Variants in LSM11 observed in about 807,000 individuals in gnomAD.
LSM11 encodes the protein U7 snRNA-associated Sm-like protein LSm11.
A neutral mutation model predicts 28.1 loss-of-function variants in LSM11; 14 were observed. The ratio of observed to expected loss-of-function variants is 0.50; its 90% CI spans 0.33 to 0.78. The LOEUF (loss-of-function observed/expected upper bound fraction) is 0.78, where lower values mean the gene tolerates loss of function less well. Among genes scored for constraint, LSM11 ranks in the 30% least tolerant of loss-of-function variants. The pLI, the probability that LSM11 is intolerant of heterozygous loss-of-function variation, is 0.02. For missense variants in LSM11, 495 were observed against 510.6 expected, an observed-to-expected ratio of 0.97 and a Z score of 0.30; for synonymous variants, 207 against 214.2, an observed-to-expected ratio of 0.97 and a Z score of 0.30.
At chr5:157,754,763 A>G in intron 3 of LSM11, 91 bp from the exon 4 acceptor site, 1 of 1,127,322 alleles carries the variant, frequency 8.9e-7, no homozygotes, top group Non-Finnish European at 1.2e-6. Context: ...TCCACAGAAC[A>G]TAATTAAAGA....
chr5:157,754,627 G>A (rs1371418082), intron 3 of LSM11, among the ~76,000 whole-genome samples: 1 of 149,592 alleles, frequency 6.7e-6, no homozygotes, highest in Admixed American at 6.7e-5. Flanking sequence ...GGGAGGTGGA[G>A]GTCGCAGTGA....
intron 1 of LSM11, among the ~76,000 whole-genome samples, chr5:157,748,668 T>A (rs1310174592): frequency 6.6e-6 from 1 of 152,178 alleles, no homozygotes; most frequent in African/African-American, 2.4e-5. Flanking sequence ...ACATTCCTAT[T>A]AAATATTTCT....
At chr5:157,751,965 T>G (rs533269588) in intron 2 of LSM11, among the ~76,000 whole-genome samples, 1 of 152,282 alleles carries the variant, frequency 6.6e-6, no homozygotes, top group South Asian at 2.1e-4. Flanking sequence ...ATTTTATCGG[T>G]TTAGTAATTT....
chr5:157,752,136 A>G (rs1361823172), intron 2 of LSM11, among the ~76,000 whole-genome samples: 3 of 151,802 alleles, frequency 2.0e-5, no homozygotes, highest in Non-Finnish European at 4.4e-5. Flanking sequence ...AGCAGACATC[A>G]GTAAACAAAG....
rs139540073 is a variant in LSM11, at chr5:157,755,024, C to G, written c.843C>G (p.Val281=). 428 of 1,614,196 alleles carry G rather than the reference C, an allele frequency of 2.7e-4. 2 individuals are homozygous for G. The African/African-American group carries it at 5.1e-3, about 19-fold the overall frequency. The part of the protein sequence containing the change: ...GRGSHKRSRS[V]PSSLQASARE... Reference sequence around the variant, plus strand: ...GCTCACACAAGCGTTCCCGCTCTGTCCCTTCTTCCCTGCAGGCCTCTGCAA... The same window carrying G: ...GCTCACACAAGCGTTCCCGCTCTGTGCCTTCTTCCCTGCAGGCCTCTGCAA... The change falls in exon 4 of 4, where the codon GTC becomes GTG. Residue 281 remains valine (V), a synonymous_variant. Coordinates refer to ENST00000286307, the MANE Select transcript of LSM11 (RefSeq NM_173491.4).
At chr5:157,752,162 C>CTT (rs3045954) in intron 2 of LSM11, among the ~76,000 whole-genome samples, 48,762 of 139,964 alleles carry the variant, frequency 0.35, 8,527 homozygotes, top group East Asian at 0.55. Context: ...TGCATGATGT[C>CTT]TTTTTTTTTT....
intron 1 of LSM11, chr5:157,747,734 GC>G (rs2113069581): frequency 6.5e-6 from 1 of 152,774 alleles, no homozygotes; most frequent in African/African-American, 2.4e-5. Context: ...AAGAAAATAG[GC>G]AAAATCAAGA....
intron 1 of LSM11, among the ~76,000 whole-genome samples, chr5:157,747,993 C>CTGTGTGTGTGTGTG (rs5872520): frequency 5.3e-4 from 79 of 148,736 alleles, no homozygotes; most frequent in African/African-American, 1.7e-3. Context: ...CACCACACTG[C>CTGTGTGTGTGTGTG]TGTGTGTGTG....
chr5:157,745,828 C>T (rs777810224), intron 1 of LSM11, among the ~76,000 whole-genome samples: 15 of 152,114 alleles, frequency 9.9e-5, no homozygotes, highest in South Asian at 2.1e-4. Context: ...AAGGCATTGA[C>T]GTCGCACAGA....
chr5:157,753,165 G>A (rs181676266), intron 2 of LSM11, among the ~76,000 whole-genome samples: 18 of 152,192 alleles, frequency 1.2e-4, no homozygotes, highest in East Asian at 7.7e-4. Flanking sequence ...CTTTTTCCTC[G>A]GCCTAACTCC....
chr5:157,747,443 T>G, intron 1 of LSM11: 1 of 209,944 alleles, frequency 4.8e-6, no homozygotes, highest in Non-Finnish European at 1.0e-5. Context: ...TAGACCATTG[T>G]CTAGGTGAAT....
Position 157,743,721 on chromosome 5 carries a change from C to T in LSM11, c.-30C>T. On this transcript the variant is annotated 5_prime_UTR_variant, in exon 1 of 4. Transcript: ENST00000286307. ...CTCTGGCGGCTTCGTTCCTTCTTCC[C>T]ATCGGCCTCGGCTTGCGGGCCTTTC... is the stretch of plus-strand genomic sequence containing the variant. The T allele has an allele frequency of 3.0e-6, 4 of 1,311,780 alleles. No homozygotes were observed. The highest frequency in any genetic ancestry group is 2.9e-4 in the Middle Eastern group (1 of 3,440). 81.3% of individuals were successfully genotyped at this position (1,311,780 alleles called of 1,614,324 possible).
chr5:157,747,013 G>A (rs1451243183), intron 1 of LSM11, among the ~76,000 whole-genome samples: 1 of 152,180 alleles, frequency 6.6e-6, no homozygotes, highest in Non-Finnish European at 1.5e-5. Context: ...TTAAGCCTAA[G>A]CCATCACTGA....
At position 157,756,435 on chromosome 5, in the gene LSM11, T is replaced by G. The variant is rs1021152955; in HGVS notation, c.*1171T>G. 3 of 152,658 alleles carry G rather than the reference T, an allele frequency of 2.0e-5. No homozygotes were observed. Among genetic ancestry groups the G allele is most frequent in the African/African-American group, 4.8e-5 (2 of 41,458 alleles). The allele number at this position is 152,658 out of a possible 1,614,324, so 9.5% of individuals were successfully genotyped here. Reference sequence around the variant, plus strand: ...ATAGGCTGCATTTGACACAGACTGTTAGGCAATATTGATTTTTTTGTTTTG... The same window carrying G: ...ATAGGCTGCATTTGACACAGACTGTGAGGCAATATTGATTTTTTTGTTTTG... On this transcript the variant is annotated 3_prime_UTR_variant, in exon 4 of 4. Coordinates refer to ENST00000286307, the MANE Select transcript of LSM11 (RefSeq NM_173491.4).
Position 157,755,063 on chromosome 5 carries a change from G to A in LSM11, c.882G>A (p.Arg294=), listed in dbSNP as rs1468922994. ...AGGCCTCTGCAAGGGAGGAGTCCAGGTCAGAGCTGTCAGGGAGGACTACAC... is the reference window on the plus strand; with the variant it reads ...AGGCCTCTGCAAGGGAGGAGTCCAGATCAGAGCTGTCAGGGAGGACTACAC... ...SLQASAREES[R]SELSGRTTRT... is the part of the protein sequence containing the mutation. The change falls in exon 4 of 4, where the codon AGG becomes AGA. Residue 294 remains arginine (R), a synonymous_variant. Transcript: ENST00000286307. The A allele has an allele frequency of 6.2e-7, 1 of 1,614,226 alleles. No individual in the cohort carries two copies. The highest frequency in any genetic ancestry group is 1.7e-5 in the Admixed American group (1 of 60,032).
In LSM11 at chr5:157,743,958, G is replaced by A. The variant is rs202030318; in HGVS notation, c.208G>A (p.Gly70Ser). Residue 70 changes from glycine to serine, a missense_variant, in exon 1 of 4, where the codon GGC becomes AGC. Transcript: ENST00000286307. ...ESFLRTGVRG[G>S]GRGRGRARGA... is the part of the protein sequence containing the mutation. ...CTTCCTCAGGACCGGAGTCCGGGGC[G>A]GCGGGCGCGGGCGCGGGCGGGCTCG... The A allele has an allele frequency of 2.0e-3, 2,639 of 1,324,358 alleles. 7 individuals are homozygous for A. Among genetic ancestry groups the A allele is most frequent in the Middle Eastern group, 2.5e-3 (12 of 4,766 alleles). 82.0% of individuals were successfully genotyped at this position (1,324,358 alleles called of 1,614,324 possible). A position where few individuals can be genotyped will look rare whatever the true frequency, so the allele number is the denominator to read the frequency against.
At chr5:157,749,619 TAC>T (rs1283415342) in intron 1 of LSM11, among the ~76,000 whole-genome samples, 28 of 150,268 alleles carry the variant, frequency 1.9e-4, no homozygotes, top group African/African-American at 6.7e-4. Flanking sequence ...CACACACCCA[TAC>T]ACACCCTTAG....
At chr5:157,745,755 A>G (rs1213326311) in intron 1 of LSM11, among the ~76,000 whole-genome samples, 1 of 152,218 alleles carries the variant, frequency 6.6e-6, no homozygotes, top group Non-Finnish European at 1.5e-5. Flanking sequence ...ATCTCAGAGA[A>G]TATGCCCTAC....
chr5:157,755,371 C>T lies in LSM11; in HGVS notation c.*107C>T. ...CTGAGTTGGAATGATTCCCTCTGGT[C>T]CTGCATATGCAGAGGACGGAGCAGG... On this transcript the variant is annotated 3_prime_UTR_variant, in exon 4 of 4. Transcript: ENST00000286307. The T allele has an allele frequency of 8.0e-7, 1 of 1,242,392 alleles. No individual in the cohort carries two copies. The highest frequency in any genetic ancestry group is 2.4e-5 in the East Asian group (1 of 40,826). 77.0% of individuals were successfully genotyped at this position (1,242,392 alleles called of 1,614,324 possible).
Sources: gnomAD v4.1 joint callset for allele counts (sites outside exome capture counted in the v4.1 genomes callset) on GRCh38, gnomAD v4.1.1 for gene constraint, MANE v1.5 for transcripts, NCBI Gene and HGNC (gene_info 2026-07-23, HGNC 2026-07-21) for gene names.